C1QTNF3: variants seen among roughly 807,000 people sequenced by gnomAD.
C1QTNF3 encodes C1q and TNF related 3, also known as complement C1q tumor necrosis factor-related protein 3.
A neutral mutation model predicts 32.6 loss-of-function variants in C1QTNF3; 26 were observed. That is an observed-to-expected ratio of 0.80 (90% CI 0.58 to 1.11). The LOEUF (loss-of-function observed/expected upper bound fraction) is 1.11. Among genes scored for constraint, C1QTNF3 ranks in the 50% least tolerant of loss-of-function variants. The pLI is 0.00. For missense variants in C1QTNF3, 362 were observed against 398.2 expected, an observed-to-expected ratio of 0.91 and a Z score of 0.77; for synonymous variants, 155 against 146.0, an observed-to-expected ratio of 1.06 and a Z score of -0.44.
chr5:34,063,047 TG>T, the C1QTNF3 span, among the ~76,000 whole-genome samples: 1 of 152,178 alleles, frequency 6.6e-6, no homozygotes, highest in Admixed American at 6.5e-5. Context: ...GGGTTGTCGG[TG>T]GTCTCGGTGT....
chr5:34,243,183 A>T, the C1QTNF3 span, among the ~76,000 whole-genome samples: 2 of 152,242 alleles, frequency 1.3e-5, no homozygotes, highest in African/African-American at 4.8e-5. Flanking sequence ...TTCTCAAAAG[A>T]AGACACTCAA....
At chr5:34,226,275 T>C in the C1QTNF3 span, among the ~76,000 whole-genome samples, 2 of 151,964 alleles carry the variant, frequency 1.3e-5, no homozygotes, top group Non-Finnish European at 2.9e-5. Context: ...TAAATGGTAA[T>C]TAAAGCTATT....
the C1QTNF3 span, among the ~76,000 whole-genome samples, chr5:34,131,508 C>T: frequency 1.3e-5 from 2 of 151,500 alleles, no homozygotes; most frequent in African/African-American, 2.4e-5. Context: ...CATTATGTTA[C>T]GTAAAATAAG....
chr5:34,052,267 C>A, the C1QTNF3 span, among the ~76,000 whole-genome samples: 1 of 152,214 alleles, frequency 6.6e-6, no homozygotes, highest in East Asian at 1.9e-4. Context: ...TAGATATGTT[C>A]TTTCCCCTAT....
At chr5:34,225,256 T>C in the C1QTNF3 span, among the ~76,000 whole-genome samples, 1 of 151,920 alleles carries the variant, frequency 6.6e-6, no homozygotes, top group Non-Finnish European at 1.5e-5. Flanking sequence ...CATGAAAAGA[T>C]TGCTAGTAGA....
chr5:34,060,474 A>G, the C1QTNF3 span, among the ~76,000 whole-genome samples: 1 of 152,218 alleles, frequency 6.6e-6, no homozygotes, highest in Admixed American at 6.5e-5. Context: ...TTGTTATAAA[A>G]AATTAAAAAT....
the C1QTNF3 span, among the ~76,000 whole-genome samples, chr5:34,130,844 T>C: frequency 6.6e-6 from 1 of 152,250 alleles, no homozygotes; most frequent in Non-Finnish European, 1.5e-5. Flanking sequence ...GCTCTCTCTA[T>C]GTCCTCATAT....
chr5:34,207,043 C>G, the C1QTNF3 span, among the ~76,000 whole-genome samples: 1 of 152,112 alleles, frequency 6.6e-6, no homozygotes, highest in Non-Finnish European at 1.5e-5. Flanking sequence ...GACAATGTCT[C>G]TCTTTATTGA....
the C1QTNF3 span, among the ~76,000 whole-genome samples, chr5:34,056,483 GAGAGAGAGA>G: frequency 6.9e-5 from 2 of 28,808 alleles, no homozygotes; most frequent in Middle Eastern, 0.019. Flanking sequence ...TATATATAGA[GAGAGAGAGA>G]GAGAGAGAGA....
At chr5:34,168,739 A>G in the C1QTNF3 span, 11 of 152,304 alleles carry the variant, frequency 7.2e-5, no homozygotes, top group East Asian at 1.7e-3. Flanking sequence ...GGGGAGATAT[A>G]CATGAAGCAG....
chr5:34,154,901 G>A, the C1QTNF3 span, among the ~76,000 whole-genome samples: 2 of 152,086 alleles, frequency 1.3e-5, no homozygotes, highest in Admixed American at 1.3e-4. Context: ...TTAGTCTGAT[G>A]GACAGTTGAG....
At chr5:34,124,314 G>A in the C1QTNF3 span, 3 of 589,878 alleles carry the variant, frequency 5.1e-6, no homozygotes, top group South Asian at 4.2e-5. Context: ...GTATTAGGCT[G>A]TTGTTGCACT....
At chr5:34,160,885 A>T in the C1QTNF3 span, among the ~76,000 whole-genome samples, 30 of 150,030 alleles carry the variant, frequency 2.0e-4, 1 homozygote, top group African/African-American at 7.3e-4. Flanking sequence ...CTAGCAAAAG[A>T]AAAAAAAAAC....
the C1QTNF3 span, among the ~76,000 whole-genome samples, chr5:34,113,926 G>T: frequency 6.6e-6 from 1 of 152,170 alleles, no homozygotes; most frequent in Non-Finnish European, 1.5e-5. Flanking sequence ...ACGTTCAGCA[G>T]CATCTGAGGA....
chr5:34,041,245 C>T (rs1561061879), intron 1 of C1QTNF3, among the ~76,000 whole-genome samples: 1 of 152,152 alleles, frequency 6.6e-6, no homozygotes, highest in African/African-American at 2.4e-5. Context: ...TGAAAACTTC[C>T]AGAATGTCAG....
At chr5:34,034,576 G>A (rs988817869) in intron 2 of C1QTNF3, among the ~76,000 whole-genome samples, 3 of 152,072 alleles carry the variant, frequency 2.0e-5, no homozygotes, top group African/African-American at 7.2e-5. Context: ...CCCTTGGTTG[G>A]TTATCATACC....
chr5:34,046,896 T>G (rs1425440316), upstream of C1QTNF3, among the ~76,000 whole-genome samples: 2 of 151,866 alleles, frequency 1.3e-5, no homozygotes, highest in Non-Finnish European at 2.9e-5. Context: ...GAGAGAAGAG[T>G]CCCTCATCTT....
At chr5:34,136,755 T>C in the C1QTNF3 span, among the ~76,000 whole-genome samples, 6 of 152,314 alleles carry the variant, frequency 3.9e-5, no homozygotes, top group East Asian at 7.7e-4. Context: ...AACCCAGATG[T>C]CCATCAGTGA....
the C1QTNF3 span, among the ~76,000 whole-genome samples, chr5:34,071,578 A>G: frequency 6.6e-6 from 1 of 152,108 alleles, no homozygotes; most frequent in Non-Finnish European, 1.5e-5. Context: ...ATGTACAGCC[A>G]TTGAGGAAGA....
Sources: gnomAD v4.1 joint callset for allele counts (sites outside exome capture counted in the v4.1 genomes callset) on GRCh38, gnomAD v4.1.1 for gene constraint, MANE v1.5 for transcripts, NCBI Gene and HGNC (gene_info 2026-07-23, HGNC 2026-07-21) for gene names.